SORCS1: variants seen among roughly 807,000 people sequenced by gnomAD.
The protein encoded by SORCS1 is sortilin related VPS10 domain containing receptor 1.
SORCS1 carries 60 observed loss-of-function variants against 146.1 expected under a neutral mutation model. The observed-to-expected ratio is 0.41, with a 90% CI of 0.33 to 0.51. The LOEUF (loss-of-function observed/expected upper bound fraction) is 0.51. SORCS1 is among the 20% of genes least tolerant of loss of function. The probability of loss-of-function intolerance (pLI) is 0.21; values close to 1 mark genes in which losing one functional copy is unlikely to be tolerated. For missense variants in SORCS1, 1,352 were observed against 1,487.6 expected (o/e 0.91, Z 1.50); for synonymous variants, 637 against 584.0 (o/e 1.09, Z -1.31).
intron 18 of SORCS1, among the ~76,000 whole-genome samples, chr10:106,646,914 A>T (rs1440338292): frequency 3.3e-5 from 5 of 150,094 alleles, no homozygotes; most frequent in Non-Finnish European, 7.4e-5. Context: ...TATATATATA[A>T]TATATGCATG....
chr10:107,137,311 G>A (rs1474204784), intron 1 of SORCS1, among the ~76,000 whole-genome samples: 2 of 152,042 alleles, frequency 1.3e-5, no homozygotes, highest in Non-Finnish European at 2.9e-5. Context: ...TTGACCTAGA[G>A]GAACACTTTA....
At chr10:106,975,151 A>G (rs1416264422) in intron 1 of SORCS1, among the ~76,000 whole-genome samples, 1 of 152,210 alleles carries the variant, frequency 6.6e-6, no homozygotes, top group Non-Finnish European at 1.5e-5. Context: ...TCTGATTTAA[A>G]TAATAATAGT....
At chr10:106,793,605 A>G (rs772221694) in intron 3 of SORCS1, among the ~76,000 whole-genome samples, 4 of 152,190 alleles carry the variant, frequency 2.6e-5, no homozygotes, top group African/African-American at 7.2e-5. Flanking sequence ...AGGTTATTAC[A>G]TTGGTTCAGC....
intron 2 of SORCS1, among the ~76,000 whole-genome samples, chr10:106,858,247 C>G (rs1327534041): frequency 6.6e-6 from 1 of 152,102 alleles, no homozygotes; most frequent in Admixed American, 6.5e-5. Context: ...GCAGTCTGTT[C>G]CATTTTTCTT....
In SORCS1 at chr10:106,942,633, G is replaced by A. The variant is rs149153681; in HGVS notation, c.626+13880C>T. Among the ~76,000 whole-genome samples the A allele has an allele frequency of 3.7e-3, 558 of 152,138 alleles. 8 individuals are homozygous for A. The highest frequency in any genetic ancestry group is 0.013 in the African/African-American group (534 of 41,512). ...GGCAGGACACCCCTTAACCCACATG[G>A]CTCAGGAAAGCTGATTTGTGGGAGT... On this transcript the variant is annotated intron_variant, in intron 2 of 25. Coordinates refer to ENST00000263054, the MANE Select transcript of SORCS1 (RefSeq NM_052918.5).
Position 107,164,375 on chromosome 10 carries a change from G to C in SORCS1, c.152C>G (p.Ser51Trp), listed in dbSNP as rs1403512982. The C allele has an allele frequency of 5.4e-6, 8 of 1,470,172 alleles. No individual in the cohort carries two copies. Among genetic ancestry groups the C allele is most frequent in the Admixed American group, 2.5e-5 (1 of 39,784 alleles). 91.1% of individuals were successfully genotyped at this position (1,470,172 alleles called of 1,614,324 possible). A position where few individuals can be genotyped will look rare whatever the true frequency, so the allele number is the denominator to read the frequency against. Reference protein sequence around the residue: ...PHPSSAPRSASTPRGFSHQGR... With the variant: ...PHPSSAPRSAWTPRGFSHQGR... The stretch of plus-strand genomic sequence containing the variant: ...CTGGTGGGAAAAGCCCCTAGGGGTC[G>C]AGGCCGAGCGTGGAGCGGAGCTGGG... Residue 51 changes from serine (S) to tryptophan (W), a missense_variant, in exon 1 of 26, where the codon TCG becomes TGG. Around this residue, in one of 3 missense-constraint regions of SORCS1, gnomAD observed 490 missense variants for 489.1 expected, o/e 1.00. Coordinates refer to ENST00000263054, the MANE Select transcript of SORCS1 (RefSeq NM_052918.5). This position sits in a 1 kb window ranked among gnomAD's most constrained non-coding sequence, Gnocchi z 6.8.
intron 13 of SORCS1, 111 bp downstream of exon 13, chr10:106,677,202 G>T: frequency 4.0e-6 from 4 of 1,007,728 alleles, no homozygotes; most frequent in South Asian, 1.5e-5. Flanking sequence ...TCGGCATTTT[G>T]GTAACAGATT....
chr10:106,981,495 T>G lies in SORCS1; in HGVS notation c.559-24915A>C, dbSNP rs557060031. Among the ~76,000 whole-genome samples the G allele has an allele frequency of 5.0e-4, 76 of 152,318 alleles. No individual in the cohort carries two copies. In the South Asian group the frequency reaches 5.2e-3, roughly 10 times the overall value. Reference sequence around the variant, plus strand: ...GCTGGGACAACTTTCTAAAGTTCATTTATTTAACTCTAGGTAAAGAACTTC... The same window carrying G: ...GCTGGGACAACTTTCTAAAGTTCATGTATTTAACTCTAGGTAAAGAACTTC... On this transcript the variant is annotated intron_variant, in intron 1 of 25. Coordinates refer to ENST00000263054, the MANE Select transcript of SORCS1 (RefSeq NM_052918.5).
At chr10:107,097,576 C>A (rs1964625597) in intron 1 of SORCS1, among the ~76,000 whole-genome samples, 1 of 152,140 alleles carries the variant, frequency 6.6e-6, no homozygotes, top group African/African-American at 2.4e-5. Context: ...CACCATCCCA[C>A]TCCACCCCTA....
At chr10:107,026,045 T>C (rs976729035) in intron 1 of SORCS1, among the ~76,000 whole-genome samples, 12 of 152,070 alleles carry the variant, frequency 7.9e-5, no homozygotes, top group Admixed American at 5.9e-4. Context: ...AAATCCACCA[T>C]AGGTTGCAGG....
intron 1 of SORCS1, among the ~76,000 whole-genome samples, chr10:107,136,521 C>T (rs1190172800): frequency 1.3e-5 from 2 of 151,994 alleles, no homozygotes; most frequent in African/African-American, 4.8e-5. Flanking sequence ...AGAAAAAAAA[C>T]AAGGCTTAGA....
chr10:106,628,472 C>T (rs1409073565), intron 19 of SORCS1, among the ~76,000 whole-genome samples: 2 of 152,164 alleles, frequency 1.3e-5, no homozygotes, highest in Non-Finnish European at 2.9e-5. Flanking sequence ...CAACACAAGT[C>T]CTATGACTGG....
Position 107,164,445 on chromosome 10 carries a change from C to G in SORCS1, c.82G>C (p.Ala28Pro). The change falls in exon 1 of 26, where the codon GCC becomes CCC. Residue 28 changes from alanine to proline, a missense_variant. Ala to Pro is a conservative substitution (Grantham distance 27, BLOSUM62 -1). Coordinates refer to ENST00000263054, the MANE Select transcript of SORCS1 (RefSeq NM_052918.5). The surrounding 1 kb of genome is among the most constrained non-coding windows in gnomAD (Gnocchi z 6.8). ...LAGAGLLILCAPGVCGGGSCC... is the reference protein window; with the variant it reads ...LAGAGLLILCPPGVCGGGSCC... Reference sequence around the variant, plus strand: ...GAGCCGCCGCCGCAGACGCCCGGGGCGCAGAGGATCAAGAGCCCCGCGCCG... The same window carrying G: ...GAGCCGCCGCCGCAGACGCCCGGGGGGCAGAGGATCAAGAGCCCCGCGCCG... 2.8e-6 allele frequency: 4 copies of G among 1,406,176 alleles called. No homozygotes were observed. The highest frequency in any genetic ancestry group is 3.7e-6 in the Non-Finnish European group (4 of 1,086,692). The allele number at this position is 1,406,176 out of a possible 1,614,324, so 87.1% of individuals were successfully genotyped here. A position where few individuals can be genotyped will look rare whatever the true frequency, so the allele number is the denominator to read the frequency against.
chr10:107,105,482 A>G (rs1156661384), intron 1 of SORCS1, among the ~76,000 whole-genome samples: 7 of 152,222 alleles, frequency 4.6e-5, no homozygotes, highest in Admixed American at 4.6e-4. Context: ...AAACGTCAGA[A>G]GTCGAGAAGC....
intron 1 of SORCS1, among the ~76,000 whole-genome samples, chr10:107,029,541 A>G (rs2133920726): frequency 6.6e-6 from 1 of 152,336 alleles, no homozygotes; most frequent in Middle Eastern, 3.4e-3. Context: ...CAAAATCCTA[A>G]GAGTGAAAGG....
At chr10:106,737,004 C>G (rs1247311491) in intron 5 of SORCS1, among the ~76,000 whole-genome samples, 2 of 151,874 alleles carry the variant, frequency 1.3e-5, no homozygotes, top group African/African-American at 4.8e-5. Flanking sequence ...AGCCAGAAGC[C>G]CAAGTGTTTA....
Position 106,579,468 on chromosome 10 carries a change from A to AG in SORCS1, c.3271dup (p.Leu1091ProfsTer33). On this transcript the variant is annotated frameshift_variant, in exon 25 of 26. Transcript: ENST00000263054. LOFTEE classifies it high-confidence loss of function. ...ACTGTGGGTTGGAGTGAGGTCCACC[A>AG]GGGGGGCTTGTGGGGGAAACAGAGC... The AG allele has an allele frequency of 6.2e-7, 1 of 1,613,690 alleles. No homozygotes were observed. The highest frequency in any genetic ancestry group is 8.5e-7 in the Non-Finnish European group (1 of 1,179,858).
chr10:106,697,640 T>C (rs1399954745), intron 9 of SORCS1, among the ~76,000 whole-genome samples: 7 of 152,196 alleles, frequency 4.6e-5, no homozygotes, highest in East Asian at 1.9e-4. Context: ...CTTGAACACA[T>C]TGGAAAATAA....
At position 107,164,338 on chromosome 10, in the gene SORCS1, G is replaced by T; in HGVS notation, c.189C>A (p.Gly63=). The T allele has an allele frequency of 6.5e-7, 1 of 1,537,584 alleles. No homozygotes were observed. The highest frequency in any genetic ancestry group is 8.7e-7 in the Non-Finnish European group (1 of 1,144,464). The change falls in exon 1 of 26, where the codon GGC becomes GGA. Residue 63 remains glycine (G), a synonymous_variant. Transcript: ENST00000263054. This position sits in a 1 kb window ranked among gnomAD's most constrained non-coding sequence, Gnocchi z 6.8. The part of the protein sequence containing the change: ...PRGFSHQGRP[G]RAPATPLPLV... ...GGGGCAGGGGCGTGGCAGGAGCCCT[G>T]CCTGGCCGCCCCTGGTGGGAAAAGC...
Sources: gnomAD v4.1 joint callset for allele counts (sites outside exome capture counted in the v4.1 genomes callset) on GRCh38, gnomAD v4.1.1 for gene constraint, gnomAD v4.1.1 regional missense constraint, Gnocchi (gnomAD v3.1) non-coding constraint, MANE v1.5 for transcripts, NCBI Gene and HGNC (gene_info 2026-07-23, HGNC 2026-07-21) for gene names.